Variants in SGPP1 observed in about 807,000 individuals in gnomAD.
SGPP1 encodes the protein sphingosine-1-phosphate phosphatase 1.
In SGPP1, 21 loss-of-function variants were observed where a neutral mutation model predicts 33.0. That is an observed-to-expected ratio of 0.64 (90% CI 0.45 to 0.92). The LOEUF (loss-of-function observed/expected upper bound fraction) is 0.92, where lower values mean the gene tolerates loss of function less well. Ranked by LOEUF, SGPP1 falls within the 40% of genes least tolerant of loss-of-function variation. The pLI is 0.00. For synonymous variants in SGPP1, 239 were observed against 241.2 expected (o/e 0.99, Z 0.08); for missense variants, 543 against 589.4 (o/e 0.92, Z 0.81).
intron 1 of SGPP1, among the ~76,000 whole-genome samples, chr14:63,726,907 T>C (rs1489653577): frequency 1.3e-5 from 2 of 152,212 alleles, no homozygotes; most frequent in African/African-American, 4.8e-5. Context: ...TTAGTTTACA[T>C]AGCGATTATT....
chr14:63,721,957 T>C (rs956852578), intron 1 of SGPP1, among the ~76,000 whole-genome samples: 23 of 152,346 alleles, frequency 1.5e-4, no homozygotes, highest in Non-Finnish European at 1.2e-4. Flanking sequence ...TACAATCATA[T>C]ATTTCAAAAA....
intron 2 of SGPP1, among the ~76,000 whole-genome samples, chr14:63,688,248 C>T (rs969661322): frequency 5.0e-5 from 7 of 139,872 alleles, no homozygotes; most frequent in Admixed American, 7.8e-5. Context: ...CCCGGGAGGC[C>T]GAGGTTGCAG....
rs183629677 is a variant in SGPP1, at chr14:63,706,428, T to C, written c.685-7770A>G. On this transcript the variant is annotated intron_variant, in intron 1 of 2. Transcript: ENST00000247225. ...CAAAATTATTAATTTTATGTAAGTT[T>C]TACCCCAAGTTAAAAAAAAATAAAC... is the stretch of plus-strand genomic sequence containing the variant. 3.2e-3 allele frequency among the ~76,000 whole-genome samples: 485 copies of C among 152,218 alleles called. 3 individuals carry two copies. Among genetic ancestry groups the C allele is most frequent in the Non-Finnish European group, 2.6e-3 (176 of 68,020 alleles).
At chr14:63,705,646 T>A (rs941300984) in intron 1 of SGPP1, among the ~76,000 whole-genome samples, 1 of 151,856 alleles carries the variant, frequency 6.6e-6, no homozygotes, top group African/African-American at 2.4e-5. Flanking sequence ...CTAGCCTGGG[T>A]GACAAAGTGA....
At chr14:63,695,435 A>G (rs1009825852) in intron 2 of SGPP1, among the ~76,000 whole-genome samples, 1 of 152,224 alleles carries the variant, frequency 6.6e-6, no homozygotes, top group African/African-American at 2.4e-5. Context: ...AGTTTCTGAC[A>G]ACAAAATGTA....
At chr14:63,727,154 G>A in intron 1 of SGPP1, 107 bp downstream of exon 1, 5 of 1,441,860 alleles carry the variant, frequency 3.5e-6, no homozygotes, top group Non-Finnish European at 2.7e-6. Flanking sequence ...CCTGTGGAAA[G>A]AGAGGCTTTG....
intron 1 of SGPP1, among the ~76,000 whole-genome samples, chr14:63,718,983 T>C (rs1215865615): frequency 8.6e-4 from 11 of 12,858 alleles, no homozygotes; most frequent in Non-Finnish European, 1.3e-3. Flanking sequence ...TATACATATA[T>C]ATATATATAT....
intron 2 of SGPP1, among the ~76,000 whole-genome samples, chr14:63,694,276 A>T (rs1045140351): frequency 1.3e-5 from 2 of 152,028 alleles, no homozygotes; most frequent in Non-Finnish European, 2.9e-5. Flanking sequence ...CCTGTCTCAG[A>T]AAAGAAAAGA....
At chr14:63,690,400 T>G (rs1218076508) in intron 2 of SGPP1, among the ~76,000 whole-genome samples, 1 of 152,174 alleles carries the variant, frequency 6.6e-6, no homozygotes, top group Non-Finnish European at 1.5e-5. Flanking sequence ...GGTCCGCAGT[T>G]GCAGTGCTTG....
At chr14:63,695,150 G>C (rs988609374) in intron 2 of SGPP1, among the ~76,000 whole-genome samples, 1 of 152,022 alleles carries the variant, frequency 6.6e-6, no homozygotes, top group Non-Finnish European at 1.5e-5. Context: ...TCCGCCTCCC[G>C]GGTTCACACC....
At chr14:63,718,981 T>TAC (rs1885690538) in intron 1 of SGPP1, among the ~76,000 whole-genome samples, 1 of 11,354 alleles carries the variant, frequency 8.8e-5, no homozygotes, top group Non-Finnish European at 1.5e-4. Context: ...TATATACATA[T>TAC]ATATATATAT....
At chr14:63,704,671 A>G (rs1271306945) in intron 1 of SGPP1, among the ~76,000 whole-genome samples, 3 of 152,022 alleles carry the variant, frequency 2.0e-5, no homozygotes, top group East Asian at 3.9e-4. Context: ...ACAACACAGT[A>G]AGACCCTGTC....
At chr14:63,720,739 TGG>T (rs1566537550) in intron 1 of SGPP1, among the ~76,000 whole-genome samples, 1 of 152,108 alleles carries the variant, frequency 6.6e-6, no homozygotes, top group Admixed American at 6.6e-5. Context: ...CACTCCAGCC[TGG>T]GCAACAAGAG....
intron 1 of SGPP1, among the ~76,000 whole-genome samples, chr14:63,710,663 G>A (rs566104064): frequency 6.6e-6 from 1 of 152,180 alleles, no homozygotes; most frequent in South Asian, 2.1e-4. Flanking sequence ...CAGCTTCTCT[G>A]CCTTTCAGTC....
intron 1 of SGPP1, among the ~76,000 whole-genome samples, chr14:63,706,055 A>G (rs1313391910): frequency 6.6e-6 from 1 of 152,254 alleles, no homozygotes; most frequent in Non-Finnish European, 1.5e-5. Context: ...TGAATGGGTA[A>G]ATTATTTGTG....
intron 2 of SGPP1, among the ~76,000 whole-genome samples, chr14:63,692,852 C>G (rs1043358179): frequency 6.6e-6 from 1 of 152,208 alleles, no homozygotes; most frequent in Non-Finnish European, 1.5e-5. Context: ...ATTTCAGTTA[C>G]TCAAAGATTC....
chr14:63,719,095 T>A (rs1885716105), intron 1 of SGPP1, among the ~76,000 whole-genome samples: 1 of 139,006 alleles, frequency 7.2e-6, no homozygotes, highest in African/African-American at 2.7e-5. Flanking sequence ...TGGCATGATC[T>A]TGGCTCACTG....
At chr14:63,691,893 G>T (rs1159269257) in intron 2 of SGPP1, among the ~76,000 whole-genome samples, 4 of 151,532 alleles carry the variant, frequency 2.6e-5, no homozygotes, top group Admixed American at 2.6e-4. Context: ...TAAATGTTTG[G>T]TTAGTTAAAT....
chr14:63,707,651 G>A (rs1042248657), intron 1 of SGPP1, among the ~76,000 whole-genome samples: 2 of 151,462 alleles, frequency 1.3e-5, no homozygotes, highest in African/African-American at 4.9e-5. Flanking sequence ...TTCTCCTGCT[G>A]GTCAGGCTGG....
Sources: gnomAD v4.1 joint callset for allele counts (sites outside exome capture counted in the v4.1 genomes callset) on GRCh38, gnomAD v4.1.1 for gene constraint, MANE v1.5 for transcripts, NCBI Gene and HGNC (gene_info 2026-07-23, HGNC 2026-07-21) for gene names.